Variants in SLC44A3 observed in about 807,000 individuals in gnomAD.
The protein encoded by SLC44A3 is choline transporter-like protein 3.
In SLC44A3, 74 loss-of-function variants were observed where a neutral mutation model predicts 75.4. The ratio of observed to expected loss-of-function variants is 0.98; its 90% CI spans 0.81 to 1.19. SLC44A3 has a LOEUF of 1.19. Among genes scored for constraint, SLC44A3 ranks in the 50% most tolerant of loss-of-function variants. The pLI is 0.00. For missense variants in SLC44A3, 700 were observed against 778.6 expected, an observed-to-expected ratio of 0.90 and a Z score of 1.20; for synonymous variants, 310 against 296.9, an observed-to-expected ratio of 1.04 and a Z score of -0.45.
chr1:94,831,081 C>G (rs948199657), intron 5 of SLC44A3, among the ~76,000 whole-genome samples: 5 of 152,182 alleles, frequency 3.3e-5, no homozygotes, highest in Admixed American at 2.0e-4. Context: ...TTTATTTTGA[C>G]TGGTGAGTGG....
intron 5 of SLC44A3, among the ~76,000 whole-genome samples, chr1:94,836,096 C>A (rs948766753): frequency 2.0e-5 from 3 of 152,326 alleles, no homozygotes; most frequent in Non-Finnish European, 2.9e-5. Context: ...GAAGTCATTT[C>A]TTTTCTTCAG....
intron 1 of SLC44A3, 79 bp downstream of exon 1, chr1:94,820,557 G>A: frequency 6.9e-7 from 1 of 1,444,800 alleles, no homozygotes; most frequent in Non-Finnish European, 9.1e-7. Flanking sequence ...CACCTTCCCT[G>A]CCGGACGCTT....
intron 12 of SLC44A3, among the ~76,000 whole-genome samples, chr1:94,868,920 T>G (rs1373316451): frequency 6.6e-6 from 1 of 152,242 alleles, no homozygotes; most frequent in Admixed American, 6.5e-5. Flanking sequence ...CTGTGGACAC[T>G]GTGGGGACCA....
At position 94,860,109 on chromosome 1, in the gene SLC44A3, T is replaced by A. The variant is rs116551679; in HGVS notation, c.1238+2609T>A. On this transcript the variant is annotated intron_variant, in intron 10 of 14. Coordinates refer to ENST00000271227, the MANE Select transcript of SLC44A3 (RefSeq NM_001114106.3). ...GAAAGAAGAGATCAAAATGAACAAA[T>A]AAAATGAGCTTAGGGAAAACGGAGA... Among the ~76,000 whole-genome samples, 496 of 151,952 alleles carry A rather than the reference T, an allele frequency of 3.3e-3. 4 individuals carry two copies. The highest frequency in any genetic ancestry group is 0.012 in the African/African-American group (482 of 41,428).
intron 1 of SLC44A3, 47 bp downstream of exon 1, chr1:94,820,525 G>C: frequency 6.8e-7 from 1 of 1,480,292 alleles, no homozygotes; most frequent in Admixed American, 2.2e-5. Context: ...CCCGGGGAAG[G>C]GTCGAGTCCC....
At chr1:94,871,002 T>C (rs1357479095) in intron 12 of SLC44A3, among the ~76,000 whole-genome samples, 1 of 152,214 alleles carries the variant, frequency 6.6e-6, no homozygotes, top group African/African-American at 2.4e-5. Flanking sequence ...TTTGAGATAG[T>C]GTCTCCAGTT....
At chr1:94,827,474 C>CTA in intron 3 of SLC44A3, 33 bp from the exon 4 acceptor site, 1 of 1,613,650 alleles carries the variant, frequency 6.2e-7, no homozygotes, top group East Asian at 2.2e-5. Flanking sequence ...AAGCAATGCT[C>CTA]TAACACATTC....
intron 9 of SLC44A3, among the ~76,000 whole-genome samples, chr1:94,849,347 A>C (rs935920862): frequency 6.6e-6 from 1 of 151,642 alleles, no homozygotes; most frequent in African/African-American, 2.4e-5. Context: ...CAGAGCCACC[A>C]CCCCCCTTCC....
At chr1:94,829,593 T>A (rs1410213077) in intron 5 of SLC44A3, among the ~76,000 whole-genome samples, 3 of 152,238 alleles carry the variant, frequency 2.0e-5, no homozygotes, top group African/African-American at 7.2e-5. Flanking sequence ...GGCTCATGTT[T>A]ACACCTTTGA....
intron 2 of SLC44A3, among the ~76,000 whole-genome samples, chr1:94,823,755 A>G (rs1043172091): frequency 2.6e-5 from 4 of 152,250 alleles, no homozygotes; most frequent in Non-Finnish European, 5.9e-5. Context: ...ATGGTATCCT[A>G]TATATTGCAT....
At chr1:94,832,796 A>C (rs189489657) in intron 5 of SLC44A3, among the ~76,000 whole-genome samples, 1 of 152,294 alleles carries the variant, frequency 6.6e-6, no homozygotes, top group African/African-American at 2.4e-5. Context: ...CAACATAACG[A>C]GACCATGTCT....
At chr1:94,885,571 T>C (rs1390590723) in intron 12 of SLC44A3, among the ~76,000 whole-genome samples, 1 of 152,216 alleles carries the variant, frequency 6.6e-6, no homozygotes. Context: ...ATTTTGAACT[T>C]TCCAGGAGAA....
intron 10 of SLC44A3, among the ~76,000 whole-genome samples, chr1:94,862,254 T>C (rs1390736915): frequency 6.6e-6 from 1 of 152,210 alleles, no homozygotes; most frequent in Non-Finnish European, 1.5e-5. Context: ...AGCTTTACGT[T>C]GGAGGCCATT....
At position 94,824,555 on chromosome 1, in the gene SLC44A3, C is replaced by T; in HGVS notation, c.198C>T (p.Asp66=). The stretch of plus-strand genomic sequence containing the variant: ...CGGGAAGACTCCTCTTTGGCTATGA[C>T]AGCTTTGGCAACATGTGTGGCAAGA... ...GAAGRLLFGY[D]SFGNMCGKKN... is the part of the protein sequence containing the mutation. The change falls in exon 3 of 15, where the codon GAC becomes GAT. Residue 66 remains aspartate (D), a synonymous_variant. Coordinates refer to ENST00000271227, the MANE Select transcript of SLC44A3 (RefSeq NM_001114106.3). 1 of 1,613,212 alleles carries T rather than the reference C, an allele frequency of 6.2e-7. No individual in the cohort carries two copies. Among genetic ancestry groups the T allele is most frequent in the Non-Finnish European group, 8.5e-7 (1 of 1,179,788 alleles).
intron 5 of SLC44A3, among the ~76,000 whole-genome samples, chr1:94,833,568 C>A (rs1360602697): frequency 5.9e-5 from 9 of 152,188 alleles, no homozygotes; most frequent in Non-Finnish European, 8.8e-5. Flanking sequence ...TTTGCCCTGA[C>A]AAATGCCCTG....
chr1:94,888,653 T>G (rs1052624653), intron 12 of SLC44A3: 3 of 982,974 alleles, frequency 3.1e-6, no homozygotes, highest in South Asian at 4.7e-5. Context: ...TTTTTTTTTT[T>G]GCAGGAAATT....
chr1:94,861,039 C>G (rs1405915282), intron 10 of SLC44A3, among the ~76,000 whole-genome samples: 1 of 151,942 alleles, frequency 6.6e-6, no homozygotes, highest in Non-Finnish European at 1.5e-5. Flanking sequence ...TTCGGTGAGG[C>G]CCATGGAAAT....
chr1:94,891,268 G>A lies in SLC44A3; in HGVS notation c.1620+1G>A, dbSNP rs202196329. Reference sequence around the variant, plus strand: ...AGACTTCATAATTTTTCTAGGAAAGGTGAGATATCTTGACTAAATAAAGGA... The same window carrying A: ...AGACTTCATAATTTTTCTAGGAAAGATGAGATATCTTGACTAAATAAAGGA... On this transcript the variant is annotated splice_donor_variant, in intron 13 of 14. Transcript: ENST00000271227. LOFTEE classifies it high-confidence loss of function. 3 of 1,603,140 alleles carry A rather than the reference G, an allele frequency of 1.9e-6. No individual in the cohort carries two copies. The highest frequency in any genetic ancestry group is 2.2e-5 in the East Asian group (1 of 44,658).
At chr1:94,828,885 G>C (rs1482905688) in intron 5 of SLC44A3, among the ~76,000 whole-genome samples, 1 of 152,094 alleles carries the variant, frequency 6.6e-6, no homozygotes, top group Non-Finnish European at 1.5e-5. Context: ...TATTACTAAC[G>C]GGGTGATTTT....
Sources: allele counts gnomAD v4.1 joint callset (sites outside exome capture counted in the v4.1 genomes callset), GRCh38; gene constraint gnomAD v4.1.1; transcripts MANE v1.5; gene names NCBI Gene and HGNC (gene_info 2026-07-23, HGNC 2026-07-21).